The following SDC1 variants were observed in gnomAD, a reference collection of about 807,000 sequenced individuals.
SDC1 encodes syndecan 1, also known as syndecan-1.
Under a neutral mutation model 29.7 loss-of-function variants are expected in SDC1, and 14 were observed. The observed-to-expected ratio is 0.47, with a 90% CI of 0.31 to 0.74. The LOEUF (loss-of-function observed/expected upper bound fraction) is 0.74, where lower values mean the gene tolerates loss of function less well. Ranked by LOEUF, SDC1 falls within the 30% of genes least tolerant of loss-of-function variation. The probability of loss-of-function intolerance (pLI) is 0.05; values close to 1 mark genes in which losing one functional copy is unlikely to be tolerated. For missense variants in SDC1, 406 were observed against 400.3 expected (o/e 1.01, Z -0.12); for synonymous variants, 204 against 175.5 (o/e 1.16, Z -1.29).
rs2230922 is a variant in SDC1 at position 20,204,213 on chromosome 2, G to A, written c.227C>T (p.Thr76Met). Residue 76 changes from threonine to methionine, a missense_variant, in exon 3 of 5, where the codon ACG (threonine) becomes ATG (methionine). Transcript: ENST00000254351. ...CTCCAGGCCGGTGGGTTCTGGAGAC[G>A]TGGGAATAGCCGTCAGGAGCTGCGT... is the stretch of plus-strand genomic sequence containing the variant. The part of the protein sequence containing the change: ...KDTQLLTAIP[T>M]SPEPTGLEAT... 9.7e-4 allele frequency: 1,559 copies of A among 1,599,094 alleles called. 19 individuals are homozygous for A. The African/African-American group carries it at 0.019, about 19-fold the overall frequency.
intron 1 of SDC1, among the ~76,000 whole-genome samples, chr2:20,210,382 G>A (rs1677425207): frequency 6.6e-6 from 1 of 152,190 alleles, no homozygotes; most frequent in Non-Finnish European, 1.5e-5. Context: ...ATATGGCCAG[G>A]TGTCCGGCTC....
chr2:20,221,317 G>A (rs150824553), intron 1 of SDC1, among the ~76,000 whole-genome samples: 13 of 152,314 alleles, frequency 8.5e-5, no homozygotes, highest in Non-Finnish European at 1.8e-4. Flanking sequence ...CAGAAAAGCT[G>A]CTGGCTACAC....
intron 1 of SDC1, among the ~76,000 whole-genome samples, chr2:20,218,943 T>A (rs968552798): frequency 6.6e-6 from 1 of 152,022 alleles, no homozygotes; most frequent in African/African-American, 2.4e-5. Context: ...CTACACAAAA[T>A]TAGGCAGCCA....
chr2:20,203,066 C>G, intron 4 of SDC1, 21 bp downstream of exon 4: 1 of 1,585,194 alleles, frequency 6.3e-7, no homozygotes, highest in Non-Finnish European at 8.6e-7. Flanking sequence ...CCCCAAACTA[C>G]CCCCCTGAAA....
At chr2:20,207,848 C>T (rs1273982143) in intron 1 of SDC1, 1 of 717,652 alleles carries the variant, frequency 1.4e-6, no homozygotes, top group African/African-American at 1.9e-5. Flanking sequence ...GCCCTGGCCT[C>T]CCTCAACCTG....
intron 1 of SDC1, among the ~76,000 whole-genome samples, chr2:20,213,474 T>C (rs1328799148): frequency 6.6e-6 from 1 of 152,198 alleles, no homozygotes; most frequent in Non-Finnish European, 1.5e-5. Flanking sequence ...ACTGACTTGG[T>C]ATCATCACCC....
At chr2:20,211,640 G>C (rs796574646) in intron 1 of SDC1, among the ~76,000 whole-genome samples, 1 of 152,228 alleles carries the variant, frequency 6.6e-6, no homozygotes, top group South Asian at 2.1e-4. Flanking sequence ...GACCCAGCAG[G>C]GCTGAGCAGA....
chr2:20,224,767 C>G lies in SDC1; in HGVS notation c.66+35G>C. On this transcript the variant is annotated intron_variant, in intron 1 of 4. Coordinates refer to ENST00000254351, the MANE Select transcript of SDC1 (RefSeq NM_002997.5). The surrounding 1 kb of genome is among the most constrained non-coding windows in gnomAD (Gnocchi z 4.9). ...CCGCGGGTGACCAGTCCCGGCTTCCCGCCGCCTCCCCGCCTGGCCGCCGGC... is the reference window on the plus strand; with the variant it reads ...CCGCGGGTGACCAGTCCCGGCTTCCGGCCGCCTCCCCGCCTGGCCGCCGGC... 1 of 1,299,750 alleles carries G rather than the reference C, an allele frequency of 7.7e-7. No homozygotes were observed. The highest frequency in any genetic ancestry group is 9.8e-7 in the Non-Finnish European group (1 of 1,023,554). The allele number at this position is 1,299,750 out of a possible 1,614,324, so 80.5% of individuals were successfully genotyped here.
rs908839542 is a variant in SDC1 at position 20,224,975 on chromosome 2, C to G, written c.-108G>C. On this transcript the variant is annotated 5_prime_UTR_variant, in exon 1 of 5. Transcript: ENST00000254351. This position sits in a 1 kb window ranked among gnomAD's most constrained non-coding sequence, Gnocchi z 4.9. Reference sequence around the variant, plus strand: ...CTCTCTTGGGCGCCTGCCCAGCGCGCCGCTGTCCCAGGCGAGGGCTGCAGG... The same window carrying G: ...CTCTCTTGGGCGCCTGCCCAGCGCGGCGCTGTCCCAGGCGAGGGCTGCAGG... 15 of 1,174,982 alleles carry G rather than the reference C, an allele frequency of 1.3e-5. No individual in the cohort carries two copies. Among genetic ancestry groups the G allele is most frequent in the African/African-American group, 1.6e-5 (1 of 62,222 alleles). 72.8% of individuals were successfully genotyped at this position (1,174,982 alleles called of 1,614,324 possible).
At chr2:20,208,108 C>T in intron 1 of SDC1, 2 of 985,448 alleles carry the variant, frequency 2.0e-6, no homozygotes, top group African/African-American at 3.5e-5. Context: ...ACCATTGGAT[C>T]CATGCTCCAT....
chr2:20,204,018 G>A lies in SDC1; in HGVS notation c.422C>T (p.Thr141Ile), dbSNP rs1174380660. ...LPTTHLASTT[T>I]ATTAQEPATS... The stretch of plus-strand genomic sequence containing the variant: ...GGCGGGCTCCTGGGCCGTGGTGGCT[G>A]TGGTCGTTGAGGCCAGATGAGTGGT... Residue 141 changes from threonine (T) to isoleucine (I), a missense_variant, in exon 3 of 5, where the codon ACA (threonine) becomes ATA (isoleucine). Transcript: ENST00000254351. 2 of 1,613,400 alleles carry A rather than the reference G, an allele frequency of 1.2e-6. No individual in the cohort carries two copies. The highest frequency in any genetic ancestry group is 2.2e-5 in the South Asian group (2 of 91,056).
At chr2:20,215,832 A>G (rs536106563) in intron 1 of SDC1, among the ~76,000 whole-genome samples, 1 of 152,232 alleles carries the variant, frequency 6.6e-6, no homozygotes. Flanking sequence ...TGGCCTCCAC[A>G]ACACCTCTCC....
intron 1 of SDC1, among the ~76,000 whole-genome samples, chr2:20,220,333 G>A (rs1677776584): frequency 6.6e-6 from 1 of 152,032 alleles, no homozygotes; most frequent in Admixed American, 6.5e-5. Flanking sequence ...ACAGTCTTGC[G>A]ATGTATTCAC....
chr2:20,211,214 T>C (rs1413775051), intron 1 of SDC1, among the ~76,000 whole-genome samples: 1 of 152,222 alleles, frequency 6.6e-6, no homozygotes, highest in Non-Finnish European at 1.5e-5. Context: ...GCCCAGAGGC[T>C]GACTCTGTCA....
intron 1 of SDC1, among the ~76,000 whole-genome samples, chr2:20,212,190 G>A (rs1315765188): frequency 6.6e-6 from 1 of 152,224 alleles, no homozygotes; most frequent in East Asian, 1.9e-4. Context: ...GGGACCCACA[G>A]CACTGATCAC....
chr2:20,224,483 G>A lies in SDC1; in HGVS notation c.66+319C>T, dbSNP rs1291509080. ...CGGCCGCCGCGGTGGCCGGGGCGAGGAGGGTGGGAACGGGCGACCCCGGGC... is the reference window on the plus strand; with the variant it reads ...CGGCCGCCGCGGTGGCCGGGGCGAGAAGGGTGGGAACGGGCGACCCCGGGC... On this transcript the variant is annotated intron_variant, in intron 1 of 4. Transcript: ENST00000254351. The surrounding 1 kb of genome is among the most constrained non-coding windows in gnomAD (Gnocchi z 4.9). Among the ~76,000 whole-genome samples the A allele has an allele frequency of 5.3e-5, 8 of 151,748 alleles. No individual in the cohort carries two copies. In the South Asian group the frequency reaches 1.5e-3, roughly 28 times the overall value.
chr2:20,217,599 G>A (rs1214216411), intron 1 of SDC1, among the ~76,000 whole-genome samples: 1 of 152,166 alleles, frequency 6.6e-6, no homozygotes, highest in Non-Finnish European at 1.5e-5. Flanking sequence ...GAGGAGGCAG[G>A]GCCAAGACAG....
intron 1 of SDC1, among the ~76,000 whole-genome samples, chr2:20,220,787 C>T (rs1421399146): frequency 6.6e-6 from 1 of 152,166 alleles, no homozygotes; most frequent in East Asian, 1.9e-4. Context: ...CTACTTAATC[C>T]AAAGCCATTT....
In SDC1 at chr2:20,214,822, GAA is replaced by G; in HGVS notation, c.67-9400_67-9399del. Among the ~76,000 whole-genome samples the G allele has an allele frequency of 2.6e-5, 4 of 152,314 alleles. No homozygotes were observed. In the South Asian group the frequency reaches 8.3e-4, roughly 32 times the overall value. On this transcript the variant is annotated intron_variant, in intron 1 of 4. Transcript: ENST00000254351. ...AAACAACTGAATTAGGCTCTAGGGA[GAA>G]AAAGTGATCATAGCTAATGTTTATT... is the stretch of plus-strand genomic sequence containing the variant.
Sources: gnomAD v4.1 joint callset for allele counts (sites outside exome capture counted in the v4.1 genomes callset) on GRCh38, gnomAD v4.1.1 for gene constraint, Gnocchi (gnomAD v3.1) non-coding constraint, MANE v1.5 for transcripts, NCBI Gene and HGNC (gene_info 2026-07-23, HGNC 2026-07-21) for gene names.